Variants in TMTC2 observed in about 807,000 individuals in gnomAD.
TMTC2 encodes the protein transmembrane O-mannosyltransferase targeting cadherins 2.
In TMTC2, 43 loss-of-function variants were observed where a neutral mutation model predicts 82.4. That is an observed-to-expected ratio of 0.52 (90% confidence interval 0.41 to 0.67). TMTC2 has a LOEUF of 0.67. Ranked by LOEUF, TMTC2 falls within the 30% of genes least tolerant of loss-of-function variation. TMTC2 has a pLI of 0.00. For missense variants in TMTC2, 919 were observed against 1,012.4 expected (o/e 0.91, Z 1.25); for synonymous variants, 408 against 381.9 (o/e 1.07, Z -0.80).
chr12:82,866,744 A>T (rs1448038580), intron 2 of TMTC2, among the ~76,000 whole-genome samples: 1 of 152,214 alleles, frequency 6.6e-6, no homozygotes, highest in African/African-American at 2.4e-5. Flanking sequence ...CTAGAAGTTC[A>T]GTTCCTATCT....
At chr12:82,897,992 C>T (rs534610553) in intron 3 of TMTC2, among the ~76,000 whole-genome samples, 86 of 152,240 alleles carry the variant, frequency 5.6e-4, no homozygotes, top group Non-Finnish European at 1.1e-3. Context: ...GACCTAGATA[C>T]TCCAAAAGCT....
intron 1 of TMTC2, among the ~76,000 whole-genome samples, chr12:82,712,993 T>C (rs1873703311): frequency 6.6e-6 from 1 of 152,086 alleles, no homozygotes; most frequent in African/African-American, 2.4e-5. Flanking sequence ...GTTGACTCTT[T>C]AGAACTTGGC....
intron 4 of TMTC2, among the ~76,000 whole-genome samples, chr12:82,962,722 G>T (rs1877997720): frequency 6.6e-6 from 1 of 151,960 alleles, no homozygotes; most frequent in African/African-American, 2.4e-5. Context: ...TCAGGAGGGA[G>T]ATCATTTTTT....
chr12:82,860,886 A>G (rs904061759), intron 2 of TMTC2, among the ~76,000 whole-genome samples: 1 of 152,204 alleles, frequency 6.6e-6, no homozygotes, highest in Non-Finnish European at 1.5e-5. Context: ...CTGACATAGA[A>G]TCCATATGAA....
intron 3 of TMTC2, among the ~76,000 whole-genome samples, chr12:82,902,723 G>GGA (rs1207371264): frequency 6.6e-6 from 1 of 152,032 alleles, no homozygotes; most frequent in African/African-American, 2.4e-5. Flanking sequence ...GGGGAGGGAG[G>GGA]GAGAGAGTCA....
intron 1 of TMTC2, among the ~76,000 whole-genome samples, chr12:82,731,241 GT>G (rs1159953669): frequency 6.6e-6 from 1 of 152,230 alleles, no homozygotes; most frequent in East Asian, 1.9e-4. Context: ...AGCACAAAAG[GT>G]TGTGTTGCGT....
At chr12:82,754,630 A>T (rs10732678) in intron 1 of TMTC2, among the ~76,000 whole-genome samples, 3 of 152,256 alleles carry the variant, frequency 2.0e-5, no homozygotes, top group Non-Finnish European at 4.4e-5. Context: ...CCAGCTACTT[A>T]GGGGGCTGAG....
intron 8 of TMTC2, among the ~76,000 whole-genome samples, chr12:83,025,970 G>T (rs1881155830): frequency 1.3e-5 from 2 of 152,160 alleles, no homozygotes; most frequent in Non-Finnish European, 2.9e-5. Flanking sequence ...ATTCACCAAT[G>T]CAGAAGCTTT....
chr12:82,895,739 A>G, intron 2 of TMTC2, 79 bp from the exon 3 acceptor site: 3 of 1,291,882 alleles, frequency 2.3e-6, no homozygotes, highest in East Asian at 2.4e-5. Flanking sequence ...TTAAAAATGT[A>G]TTTTATCTCT....
At chr12:82,694,785 T>TAA (rs151273920) in intron 1 of TMTC2, among the ~76,000 whole-genome samples, 45 of 149,304 alleles carry the variant, frequency 3.0e-4, no homozygotes, top group South Asian at 1.1e-3. Flanking sequence ...AGATTTAAGT[T>TAA]AAAAAAAAAA....
In TMTC2 at chr12:83,094,527, T is replaced by C. The variant is rs114575750; in HGVS notation, c.2331+32696T>C. Among the ~76,000 whole-genome samples, 559 of 152,198 alleles carry C rather than the reference T, an allele frequency of 3.7e-3. 1 individual carries two copies. The highest frequency in any genetic ancestry group is 0.013 in the African/African-American group (534 of 41,516). On this transcript the variant is annotated intron_variant, in intron 11 of 11. Coordinates refer to ENST00000321196, the MANE Select transcript of TMTC2 (RefSeq NM_152588.3). ...GTGGTCAGAAAGAAAGTAATACAAT[T>C]GAGAGATATTTGTTCCATTTGCATT...
chr12:82,985,785 C>T, intron 7 of TMTC2, 140 bp from the exon 8 acceptor site: 2 of 1,064,006 alleles, frequency 1.9e-6, no homozygotes, highest in Admixed American at 4.9e-5. Context: ...CTTTGGGAAT[C>T]AGATGAGAAC....
intron 1 of TMTC2, among the ~76,000 whole-genome samples, chr12:82,829,573 C>A (rs1869639122): frequency 6.6e-6 from 1 of 152,154 alleles, no homozygotes; most frequent in Admixed American, 6.5e-5. Flanking sequence ...AGTAATCCCA[C>A]CTCTATGATA....
chr12:82,962,552 CTG>C (rs1026238238), intron 4 of TMTC2, among the ~76,000 whole-genome samples: 5 of 151,988 alleles, frequency 3.3e-5, no homozygotes, highest in African/African-American at 4.8e-5. Context: ...GAGTGAATGA[CTG>C]TGTTAATTAC....
chr12:82,726,827 T>C (rs1285638478), intron 1 of TMTC2, among the ~76,000 whole-genome samples: 1 of 137,360 alleles, frequency 7.3e-6, no homozygotes, highest in Non-Finnish European at 1.5e-5. Context: ...TGCAGTGAGC[T>C]GAGATGGCGC....
chr12:82,932,571 ATTT>A (rs1322399117), intron 4 of TMTC2, among the ~76,000 whole-genome samples: 1 of 152,086 alleles, frequency 6.6e-6, no homozygotes, highest in Non-Finnish European at 1.5e-5. Context: ...ATATTACTAT[ATTT>A]TTTATTATTT....
chr12:82,741,422 T>C (rs1407909073), intron 1 of TMTC2, among the ~76,000 whole-genome samples: 6 of 152,180 alleles, frequency 3.9e-5, no homozygotes, highest in Non-Finnish European at 7.3e-5. Context: ...GCAGTTCTCC[T>C]GCCTTAGCCT....
At chr12:82,830,976 G>A (rs2045491010) in intron 1 of TMTC2, among the ~76,000 whole-genome samples, 1 of 152,148 alleles carries the variant, frequency 6.6e-6, no homozygotes, top group Admixed American at 6.6e-5. Flanking sequence ...ACTTCTGCAA[G>A]GGAAGGCGAG....
rs1042718670 is a variant in TMTC2 at position 82,926,423 on chromosome 12, G to A, written c.1484-4008G>A. ...TGAGGAAGCTGTGGAAGAAAAGTTT[G>A]AAGCTAACAGAGATTGCTTCATTAG... On this transcript the variant is annotated intron_variant, in intron 3 of 11. Coordinates refer to ENST00000321196, the MANE Select transcript of TMTC2 (RefSeq NM_152588.3). Among the ~76,000 whole-genome samples, 6 of 152,322 alleles carry A rather than the reference G, an allele frequency of 3.9e-5. No individual in the cohort carries two copies. The South Asian group carries it at 8.3e-4, about 21-fold the overall frequency.
Sources: gnomAD v4.1 joint callset for allele counts (sites outside exome capture counted in the v4.1 genomes callset) on GRCh38, gnomAD v4.1.1 for gene constraint, MANE v1.5 for transcripts, NCBI Gene and HGNC (gene_info 2026-07-23, HGNC 2026-07-21) for gene names.